CHDH: variants seen among roughly 807,000 people sequenced by gnomAD.
CHDH encodes choline dehydrogenase, mitochondrial.
Under a neutral mutation model 56.9 loss-of-function variants are expected in CHDH, and 43 were observed. The ratio of observed to expected loss-of-function variants is 0.76; its 90% CI spans 0.59 to 0.97. The LOEUF (loss-of-function observed/expected upper bound fraction) is 0.97. Among genes scored for constraint, CHDH ranks in the 50% least tolerant of loss-of-function variants. CHDH has a pLI of 0.00. For synonymous variants in CHDH, 364 were observed against 348.5 expected, an observed-to-expected ratio of 1.04 and a Z score of -0.50; for missense variants, 816 against 821.1, an observed-to-expected ratio of 0.99 and a Z score of 0.08.
At chr3:53,838,716 A>C (rs945231818) in intron 2 of CHDH, among the ~76,000 whole-genome samples, 12 of 152,192 alleles carry the variant, frequency 7.9e-5, no homozygotes, top group Non-Finnish European at 1.2e-4. Flanking sequence ...ATTCACTTAC[A>C]GACAGCAGTG....
intron 2 of CHDH, among the ~76,000 whole-genome samples, chr3:53,836,881 A>T (rs1698513170): frequency 6.6e-6 from 1 of 152,260 alleles, no homozygotes; most frequent in African/African-American, 2.4e-5. Flanking sequence ...CATGATGGAC[A>T]CTTCGTATGT....
At chr3:53,820,888 C>A (rs2095624965) in intron 5 of CHDH, among the ~76,000 whole-genome samples, 1 of 152,250 alleles carries the variant, frequency 6.6e-6, no homozygotes, top group African/African-American at 2.4e-5. Context: ...TCAGCAGCCC[C>A]CTCTGTGAGG....
Position 53,823,393 on chromosome 3 carries a change from T to A in CHDH, c.616A>T (p.Thr206Ser). ...HPLHCAFLEATQQAGYPLTED... is the reference protein window; with the variant it reads ...HPLHCAFLEASQQAGYPLTED... ...GTGAGCGGGTAGCCGGCCTGCTGCG[T>A]GGCCTCCAGGAATGCGCAGTGCAGC... Residue 206 changes from threonine (T) to serine (S), a missense_variant, in exon 3 of 9, where the codon ACG becomes TCG. Coordinates refer to ENST00000315251, the MANE Select transcript of CHDH (RefSeq NM_018397.5). The A allele has an allele frequency of 2.5e-6, 4 of 1,605,348 alleles. No individual in the cohort carries two copies. Among genetic ancestry groups the A allele is most frequent in the Non-Finnish European group, 3.4e-6 (4 of 1,175,614 alleles).
intron 5 of CHDH, 112 bp from the exon 6 acceptor site, chr3:53,820,720 C>T: frequency 7.5e-7 from 1 of 1,339,778 alleles, no homozygotes; most frequent in South Asian, 1.4e-5. Context: ...TCTGGACCAG[C>T]TCCTGCTCAG....
rs202031062 is a variant in CHDH, at chr3:53,816,131, A to ACACCCCCCCC, written c.*1645_*1646insGGGGGGGGTG. On this transcript the variant is annotated 3_prime_UTR_variant, in exon 9 of 9. Coordinates refer to ENST00000315251, the MANE Select transcript of CHDH (RefSeq NM_018397.5). ...CAGAAAACTAACTTGTGGCTGTCGG[A>ACACCCCCCCC]CGCCCCCCCCCCCCGCCCCAGTCTG... 1.1e-5 allele frequency: 1 copy of ACACCCCCCCC among 86,966 alleles called. No homozygotes were observed. The highest frequency in any genetic ancestry group is 2.0e-5 in the Non-Finnish European group (1 of 50,546). The allele number at this position is 86,966 out of a possible 1,614,324, so 5.4% of individuals were successfully genotyped here. A position where few individuals can be genotyped will look rare whatever the true frequency, so the allele number is the denominator to read the frequency against.
chr3:53,823,174 C>A, intron 3 of CHDH, 132 bp downstream of exon 3: 6 of 812,334 alleles, frequency 7.4e-6, no homozygotes, highest in Non-Finnish European at 1.1e-5. Context: ...GATCTCTTCC[C>A]GGTCGTGCCA....
At chr3:53,833,658 T>G (rs1347384309) in intron 2 of CHDH, among the ~76,000 whole-genome samples, 3 of 152,048 alleles carry the variant, frequency 2.0e-5, no homozygotes, top group Non-Finnish European at 4.4e-5. Context: ...CTGAAGTTGG[T>G]GAGGTAGCAT....
chr3:53,828,267 T>A (rs1428584673), intron 2 of CHDH, among the ~76,000 whole-genome samples: 1 of 151,712 alleles, frequency 6.6e-6, no homozygotes, highest in Non-Finnish European at 1.5e-5. Flanking sequence ...CAGACCTAAA[T>A]GTAAAATATA....
In CHDH at chr3:53,846,403, G is replaced by C; in HGVS notation, c.-451C>G. 5.3e-6 allele frequency: 3 copies of C among 567,344 alleles called. No homozygotes were observed. The highest frequency in any genetic ancestry group is 8.7e-6 in the Non-Finnish European group (3 of 343,208). The allele number at this position is 567,344 out of a possible 1,614,324, so 35.1% of individuals were successfully genotyped here. ...GCGCTCGGACACGGCCCATCCCTCC[G>C]AGCCCCAGCAGGCGAGGGCGCTGCG... On this transcript the variant is annotated 5_prime_UTR_variant, in exon 1 of 9. Coordinates refer to ENST00000315251, the MANE Select transcript of CHDH (RefSeq NM_018397.5).
At position 53,823,961 on chromosome 3, in the gene CHDH, C is replaced by T; in HGVS notation, c.48G>A (p.Arg16=). ...GGGATTGCTGCTGCCCCAGGGCTCC[C>T]CGTGCCAGGGCTCCAGGCCGGCCCA... The part of the protein sequence containing the change: ...RGLGRPGALA[R]GALGQQQSLG... The change falls in exon 3 of 9, where the codon CGG becomes CGA. Residue 16 remains arginine, a synonymous_variant. Coordinates refer to ENST00000315251, the MANE Select transcript of CHDH (RefSeq NM_018397.5). The T allele has an allele frequency of 6.6e-7, 1 of 1,516,070 alleles. No individual in the cohort carries two copies. The highest frequency in any genetic ancestry group is 8.8e-7 in the Non-Finnish European group (1 of 1,138,542). The allele number at this position is 1,516,070 out of a possible 1,614,324, so 93.9% of individuals were successfully genotyped here. A position where few individuals can be genotyped will look rare whatever the true frequency, so the allele number is the denominator to read the frequency against.
chr3:53,842,183 G>A (rs1482623963), intron 1 of CHDH, among the ~76,000 whole-genome samples: 1 of 151,662 alleles, frequency 6.6e-6, no homozygotes, highest in Non-Finnish European at 1.5e-5. Flanking sequence ...AAACCACATA[G>A]TGATTTTATC....
chr3:53,827,265 A>T (rs1159901974), intron 2 of CHDH, among the ~76,000 whole-genome samples: 3 of 151,626 alleles, frequency 2.0e-5, no homozygotes, highest in African/African-American at 7.3e-5. Flanking sequence ...AGCGTGTGGC[A>T]CCTCCCCTCC....
In CHDH at chr3:53,819,225, T is replaced by TCTTTCATCCTGGCCTCATACTC. The variant is rs1289963690; in HGVS notation, c.1264-207_1264-186dup. The stretch of plus-strand genomic sequence containing the variant: ...ATTACAGACCACCTCAAGGAATCAC[T>TCTTTCATCCTGGCCTCATACTC]CTTTCATCCTGGCCTCATACTCCAT... On this transcript the variant is annotated intron_variant, in intron 7 of 8. Transcript: ENST00000315251. The surrounding 1 kb of genome is among the most constrained non-coding windows in gnomAD (Gnocchi z 5.4). 6.6e-6 allele frequency among the ~76,000 whole-genome samples: 1 copy of TCTTTCATCCTGGCCTCATACTC among 152,248 alleles called. No individual in the cohort carries two copies. Among genetic ancestry groups the TCTTTCATCCTGGCCTCATACTC allele is most frequent in the Non-Finnish European group, 1.5e-5 (1 of 68,010 alleles).
intron 2 of CHDH, among the ~76,000 whole-genome samples, chr3:53,834,835 T>C (rs1051078998): frequency 6.6e-6 from 1 of 152,182 alleles, no homozygotes; most frequent in Non-Finnish European, 1.5e-5. Flanking sequence ...TAGGATTAGA[T>C]CCTTTGGCCA....
chr3:53,834,323 G>C (rs1430911178), intron 2 of CHDH, among the ~76,000 whole-genome samples: 1 of 152,108 alleles, frequency 6.6e-6, no homozygotes, highest in East Asian at 1.9e-4. Flanking sequence ...TAAGGCATCT[G>C]TAATCCCAGC....
chr3:53,823,390 G>A lies in CHDH; in HGVS notation c.619C>T (p.Gln207Ter). The A allele has an allele frequency of 1.2e-6, 2 of 1,605,888 alleles. No individual in the cohort carries two copies. The highest frequency in any genetic ancestry group is 8.5e-7 in the Non-Finnish European group (1 of 1,175,844). Residue 207 changes from glutamine to a stop codon, truncating the protein, a stop_gained, in exon 3 of 9, where the codon CAG becomes TAG. Coordinates refer to ENST00000315251, the MANE Select transcript of CHDH (RefSeq NM_018397.5). LOFTEE classifies it high-confidence loss of function. Reference protein sequence around the residue: ...PLHCAFLEATQQAGYPLTEDM... With the variant: ...PLHCAFLEAT ...TCGGTGAGCGGGTAGCCGGCCTGCT[G>A]CGTGGCCTCCAGGAATGCGCAGTGC...
chr3:53,826,745 C>G (rs1009872398), intron 2 of CHDH, among the ~76,000 whole-genome samples: 5 of 152,088 alleles, frequency 3.3e-5, no homozygotes, highest in African/African-American at 1.2e-4. Flanking sequence ...TACTGGAAGT[C>G]CTATCTAATG....
At position 53,815,004 on chromosome 3, in the gene CHDH, C is replaced by T. The variant is rs1184094846; in HGVS notation, c.*2773G>A. 3.3e-5 allele frequency: 5 copies of T among 152,138 alleles called. No individual in the cohort carries two copies. The highest frequency in any genetic ancestry group is 1.9e-4 in the East Asian group (1 of 5,166). 9.4% of individuals were successfully genotyped at this position (152,138 alleles called of 1,614,324 possible). ...TCGTGGAGATGATGCCTGCAACCTTCGCTACAAGCAGAAAGACTAGATGTT... is the reference window on the plus strand; with the variant it reads ...TCGTGGAGATGATGCCTGCAACCTTTGCTACAAGCAGAAAGACTAGATGTT... On this transcript the variant is annotated 3_prime_UTR_variant, in exon 9 of 9. Transcript: ENST00000315251.
intron 8 of CHDH, 80 bp from the exon 9 acceptor site, chr3:53,818,275 C>A: frequency 7.8e-7 from 1 of 1,288,690 alleles, no homozygotes; most frequent in Admixed American, 2.6e-5. Context: ...CATGGAGAGG[C>A]TCTGTAAGCT....
Sources: allele counts gnomAD v4.1 joint callset (sites outside exome capture counted in the v4.1 genomes callset), GRCh38; gene constraint gnomAD v4.1.1; non-coding constraint Gnocchi (gnomAD v3.1); transcripts MANE v1.5; gene names NCBI Gene and HGNC (gene_info 2026-07-23, HGNC 2026-07-21).